Variants in ZFAND3 observed in about 807,000 individuals in gnomAD.
ZFAND3 encodes zinc finger AN1-type containing 3, also known as AN1-type zinc finger protein 3.
A neutral mutation model predicts 29.6 loss-of-function variants in ZFAND3; 10 were observed. The ratio of observed to expected loss-of-function variants is 0.34; its 90% CI spans 0.21 to 0.57. The LOEUF (loss-of-function observed/expected upper bound fraction) is 0.57, where lower values mean the gene tolerates loss of function less well. Ranked by LOEUF, ZFAND3 falls within the 20% of genes least tolerant of loss-of-function variation. The probability of loss-of-function intolerance (pLI) is 0.86; values close to 1 mark genes in which losing one functional copy is unlikely to be tolerated. For missense variants in ZFAND3, 230 were observed against 304.5 expected (o/e 0.76, Z 1.82); for synonymous variants, 128 against 112.6 (o/e 1.14, Z -0.87).
intron 5 of ZFAND3, among the ~76,000 whole-genome samples, chr6:38,151,388 C>T (rs1766220716): frequency 1.3e-5 from 2 of 152,224 alleles, no homozygotes; most frequent in African/African-American, 2.4e-5. Context: ...AGCTGGAGGC[C>T]TGAGTGTGGG....
Position 37,881,989 on chromosome 6 carries a change from G to A in ZFAND3, c.72-47970G>A, listed in dbSNP as rs549161356. On this transcript the variant is annotated intron_variant, in intron 1 of 5. Coordinates refer to ENST00000287218, the MANE Select transcript of ZFAND3 (RefSeq NM_021943.3). The stretch of plus-strand genomic sequence containing the variant: ...ATGTCGTCTGTGTCATGACAATTTT[G>A]TTCTTTTCACTTCTTAATAGCCAAT... 1.4e-4 allele frequency among the ~76,000 whole-genome samples: 22 copies of A among 152,262 alleles called. No individual in the cohort carries two copies. The South Asian group carries it at 4.6e-3, about 32-fold the overall frequency.
intron 5 of ZFAND3, among the ~76,000 whole-genome samples, chr6:38,133,704 C>T (rs1266446728): frequency 6.6e-6 from 1 of 151,422 alleles, no homozygotes; most frequent in African/African-American, 2.4e-5. Flanking sequence ...GAGCCGAGAT[C>T]ACGCCACTGC....
At chr6:38,034,467 T>C (rs191881045) in intron 2 of ZFAND3, among the ~76,000 whole-genome samples, 5 of 152,266 alleles carry the variant, frequency 3.3e-5, no homozygotes, top group African/African-American at 9.6e-5. Context: ...GTTCAAGATA[T>C]AAGGAGCATC....
intron 2 of ZFAND3, among the ~76,000 whole-genome samples, chr6:37,964,627 A>T (rs1423554972): frequency 1.3e-5 from 2 of 152,196 alleles, no homozygotes; most frequent in African/African-American, 4.8e-5. Flanking sequence ...ACTTGAGCCT[A>T]GTTAAGTAGA....
intron 1 of ZFAND3, among the ~76,000 whole-genome samples, chr6:37,920,609 A>C (rs1045081571): frequency 1.3e-5 from 2 of 152,174 alleles, no homozygotes; most frequent in African/African-American, 4.8e-5. Flanking sequence ...ACAGTAACCC[A>C]CTTGGAATCT....
intron 1 of ZFAND3, among the ~76,000 whole-genome samples, chr6:37,838,642 TGTA>T (rs1336094350): frequency 6.6e-6 from 1 of 152,250 alleles, no homozygotes; most frequent in Non-Finnish European, 1.5e-5. Flanking sequence ...TCTTCCATGT[TGTA>T]GTGTACTTCA....
intron 4 of ZFAND3, among the ~76,000 whole-genome samples, chr6:38,085,584 C>T (rs1041670669): frequency 6.6e-6 from 1 of 152,080 alleles, no homozygotes; most frequent in Non-Finnish European, 1.5e-5. Flanking sequence ...TGTGTTCATA[C>T]ATATACTTTT....
At position 38,038,556 on chromosome 6, in the gene ZFAND3, A is replaced by T. The variant is rs116664450; in HGVS notation, c.113-23037A>T. ...ATGGCAGGGTTCACCTTAGGCCCCC[A>T]GGAGGATATTCTGAGGCAGGGTCTC... is the stretch of plus-strand genomic sequence containing the variant. On this transcript the variant is annotated intron_variant, in intron 2 of 5. Coordinates refer to ENST00000287218, the MANE Select transcript of ZFAND3 (RefSeq NM_021943.3). 2.7e-3 allele frequency among the ~76,000 whole-genome samples: 408 copies of T among 152,294 alleles called. 6 individuals carry two copies. The highest frequency in any genetic ancestry group is 9.4e-3 in the African/African-American group (391 of 41,556).
chr6:38,095,962 G>A (rs983073504), intron 4 of ZFAND3, among the ~76,000 whole-genome samples: 2 of 152,202 alleles, frequency 1.3e-5, no homozygotes, highest in Non-Finnish European at 2.9e-5. Context: ...GAGCCCAGGA[G>A]GTCGTGGCTA....
At chr6:37,958,861 C>T (rs931356308) in intron 2 of ZFAND3, among the ~76,000 whole-genome samples, 1 of 151,994 alleles carries the variant, frequency 6.6e-6, no homozygotes, top group Non-Finnish European at 1.5e-5. Flanking sequence ...AACCTTGCTT[C>T]ATTTATTTTC....
At chr6:37,859,626 G>A (rs930626731) in intron 1 of ZFAND3, among the ~76,000 whole-genome samples, 3 of 152,180 alleles carry the variant, frequency 2.0e-5, no homozygotes, top group Admixed American at 6.5e-5. Context: ...GCAGGCTGGA[G>A]ACCTTCAGGT....
chr6:38,087,329 T>C (rs1171874759), intron 4 of ZFAND3, among the ~76,000 whole-genome samples: 1 of 152,112 alleles, frequency 6.6e-6, no homozygotes, highest in African/African-American at 2.4e-5. Flanking sequence ...AAAGCTAAAA[T>C]GGACAAATGC....
intron 2 of ZFAND3, among the ~76,000 whole-genome samples, chr6:38,017,642 G>A (rs972102520): frequency 6.6e-6 from 1 of 151,836 alleles, no homozygotes; most frequent in Non-Finnish European, 1.5e-5. Flanking sequence ...TGAAAAGTTG[G>A]GATAGAGGAG....
intron 2 of ZFAND3, among the ~76,000 whole-genome samples, chr6:37,953,070 G>A (rs188695086): frequency 2.0e-5 from 3 of 151,640 alleles, no homozygotes; most frequent in East Asian, 1.9e-4. Flanking sequence ...TTGCTTTGAC[G>A]TGTACTACAA....
chr6:38,023,700 C>T (rs1763393468), intron 2 of ZFAND3, among the ~76,000 whole-genome samples: 1 of 152,104 alleles, frequency 6.6e-6, no homozygotes. Context: ...ATGTCTTTTA[C>T]TTGTCTGGAA....
chr6:37,886,035 C>G (rs1201531673), intron 1 of ZFAND3, among the ~76,000 whole-genome samples: 1 of 151,392 alleles, frequency 6.6e-6, no homozygotes, highest in Admixed American at 6.6e-5. Flanking sequence ...GTCAGGAGTT[C>G]GAGACCAGCC....
intron 2 of ZFAND3, among the ~76,000 whole-genome samples, chr6:38,057,921 A>G (rs936494856): frequency 6.6e-6 from 1 of 152,210 alleles, no homozygotes; most frequent in African/African-American, 2.4e-5. Flanking sequence ...TTTGTATGTT[A>G]GCCAAATGAT....
intron 5 of ZFAND3, among the ~76,000 whole-genome samples, chr6:38,128,856 A>T (rs1047083551): frequency 2.0e-5 from 3 of 152,176 alleles, no homozygotes; most frequent in Non-Finnish European, 4.4e-5. Context: ...CTGGGTAGAT[A>T]CCCAGTAGTG....
intron 4 of ZFAND3, among the ~76,000 whole-genome samples, chr6:38,089,917 G>A (rs7770297): frequency 0.03 from 4,510 of 152,186 alleles, 177 homozygotes; most frequent in African/African-American, 0.086. Context: ...GCAATGGTGC[G>A]ATCTCAGCTC....
Sources: allele counts gnomAD v4.1 joint callset (sites outside exome capture counted in the v4.1 genomes callset), GRCh38; gene constraint gnomAD v4.1.1; transcripts MANE v1.5; gene names NCBI Gene and HGNC (gene_info 2026-07-23, HGNC 2026-07-21).